Variants in PITPNM2 observed in about 807,000 individuals in gnomAD.
PITPNM2 encodes the protein phosphatidylinositol transfer protein membrane associated 2.
Under a neutral mutation model 132.2 loss-of-function variants are expected in PITPNM2, and 35 were observed. The observed-to-expected ratio is 0.26, with a 90% CI of 0.20 to 0.35. The LOEUF (loss-of-function observed/expected upper bound fraction) is 0.35. Among genes scored for constraint, PITPNM2 ranks in the 10% least tolerant of loss-of-function variants. The pLI is 1.00. For missense variants in PITPNM2, 1,332 were observed against 1,912.0 expected (o/e 0.70, Z 5.66); for synonymous variants, 738 against 799.2 (o/e 0.92, Z 1.29).
chr12:123,126,523 T>C (rs1386247732), intron 1 of PITPNM2, among the ~76,000 whole-genome samples: 3 of 152,046 alleles, frequency 2.0e-5, no homozygotes, highest in Admixed American at 6.5e-5. Context: ...CAAACCACTA[T>C]GGTTAAAATA....
chr12:123,103,842 G>A (rs2042624857), intron 2 of PITPNM2, among the ~76,000 whole-genome samples: 1 of 152,166 alleles, frequency 6.6e-6, no homozygotes, highest in African/African-American at 2.4e-5. Flanking sequence ...TTTTAAGCAA[G>A]AGGCACCCAA....
chr12:123,081,895 A>G (rs2041976879), intron 2 of PITPNM2: 1 of 152,302 alleles, frequency 6.6e-6, no homozygotes, highest in Non-Finnish European at 1.5e-5. Flanking sequence ...AAAGCTGGGA[A>G]AGGAGGGGTA....
chr12:123,088,269 A>T (rs2042167480), intron 2 of PITPNM2: 1 of 152,152 alleles, frequency 6.6e-6, no homozygotes, highest in Admixed American at 6.5e-5. Context: ...AATTTATTTA[A>T]GTTTCTACAA....
chr12:123,142,607 A>G (rs1431657938), intron 1 of PITPNM2, among the ~76,000 whole-genome samples: 1 of 152,212 alleles, frequency 6.6e-6, no homozygotes, highest in Non-Finnish European at 1.5e-5. Context: ...CAACCACAAT[A>G]AACGTTTGGC....
chr12:123,134,917 T>C (rs919443828), intron 1 of PITPNM2, among the ~76,000 whole-genome samples: 1 of 152,160 alleles, frequency 6.6e-6, no homozygotes, highest in Admixed American at 6.5e-5. Flanking sequence ...GGCTCTGATA[T>C]TCAGTAAGTT....
intron 3 of PITPNM2, among the ~76,000 whole-genome samples, chr12:123,033,462 T>C (rs1352889890): frequency 6.6e-6 from 1 of 152,116 alleles, no homozygotes; most frequent in Non-Finnish European, 1.5e-5. Context: ...AGGCACTGAG[T>C]AGGGAGACTG....
chr12:123,118,081 G>A (rs1212531335), intron 1 of PITPNM2, among the ~76,000 whole-genome samples: 1 of 152,258 alleles, frequency 6.6e-6, no homozygotes, highest in East Asian at 1.9e-4. Flanking sequence ...TAAGACAAGA[G>A]TGGGGATAAG....
chr12:123,092,692 T>C (rs927207920), intron 2 of PITPNM2: 1 of 152,244 alleles, frequency 6.6e-6, no homozygotes, highest in Non-Finnish European at 1.5e-5. Flanking sequence ...GCCTTTGCCA[T>C]GCCCTCTCCT....
At chr12:123,066,512 T>C (rs1025439939) in intron 2 of PITPNM2, among the ~76,000 whole-genome samples, 2 of 151,930 alleles carry the variant, frequency 1.3e-5, no homozygotes, top group Admixed American at 1.3e-4. Flanking sequence ...CCCACAGCTG[T>C]TGGGGGTGGG....
At chr12:123,115,240 T>C (rs2137381304) in intron 1 of PITPNM2, among the ~76,000 whole-genome samples, 1 of 152,244 alleles carries the variant, frequency 6.6e-6, no homozygotes, top group Non-Finnish European at 1.5e-5. Context: ...CTCCCTTCCA[T>C]CTTCTTCAAC....
At chr12:123,134,482 G>T (rs769637814) in intron 1 of PITPNM2, among the ~76,000 whole-genome samples, 1 of 152,124 alleles carries the variant, frequency 6.6e-6, no homozygotes, top group Non-Finnish European at 1.5e-5. Flanking sequence ...AATGGGCTTC[G>T]CATGAGTCAG....
In PITPNM2 at chr12:122,992,444, G is replaced by A. The variant is rs901875354; in HGVS notation, c.2404+55C>T. ...TAGCATGGAGGACCTAGGAGCCAGGGAGCCACGCTTACCCCACCTTCCCCC... is the reference window on the plus strand; with the variant it reads ...TAGCATGGAGGACCTAGGAGCCAGGAAGCCACGCTTACCCCACCTTCCCCC... On this transcript the variant is annotated intron_variant, in intron 16 of 25. Transcript: ENST00000320201. The surrounding 1 kb of genome is among the most constrained non-coding windows in gnomAD (Gnocchi z 6.5). The A allele has an allele frequency of 6.4e-7, 1 of 1,550,740 alleles. No individual in the cohort carries two copies. The highest frequency in any genetic ancestry group is 8.7e-7 in the Non-Finnish European group (1 of 1,148,002).
intron 3 of PITPNM2, among the ~76,000 whole-genome samples, chr12:123,033,707 T>C (rs2040172205): frequency 6.6e-6 from 1 of 152,128 alleles, no homozygotes; most frequent in Non-Finnish European, 1.5e-5. Context: ...TGTTATGGAC[T>C]GAATGTCTCT....
At position 123,009,177 on chromosome 12, in the gene PITPNM2, C is replaced by T. The variant is rs1158246422; in HGVS notation, c.643+673G>A. Among the ~76,000 whole-genome samples the T allele has an allele frequency of 2.0e-5, 3 of 152,252 alleles. No homozygotes were observed. Among genetic ancestry groups the T allele is most frequent in the African/African-American group, 4.8e-5 (2 of 41,524 alleles). ...CATCACAAGGTGTCTGGCTGGGGTG[C>T]CTTTTGGGTCATGGGCCTCAGGGAC... On this transcript the variant is annotated intron_variant, in intron 6 of 25. Transcript: ENST00000320201. The surrounding 1 kb of genome is among the most constrained non-coding windows in gnomAD (Gnocchi z 4.8).
Position 122,985,764 on chromosome 12 carries a change from G to A in PITPNM2, c.*263C>T, listed in dbSNP as rs1441992241. On this transcript the variant is annotated 3_prime_UTR_variant, in exon 26 of 26. Transcript: ENST00000320201. ...GGCAAAATGTCTGGGAGAACCTCCC[G>A]GGCCAGTCTGAGTGGGAGGTTCTGG... 13 of 388,180 alleles carry A rather than the reference G, an allele frequency of 3.3e-5. No individual in the cohort carries two copies. Among genetic ancestry groups the A allele is most frequent in the East Asian group, 3.2e-4 (8 of 24,846 alleles). 24.0% of individuals were successfully genotyped at this position (388,180 alleles called of 1,614,324 possible).
rs1295822734 is a variant in PITPNM2 at position 123,005,131 on chromosome 12, C to T, written c.952+109G>A. On this transcript the variant is annotated intron_variant, in intron 7 of 25. Coordinates refer to ENST00000320201, the MANE Select transcript of PITPNM2 (RefSeq NM_020845.3). This position sits in a 1 kb window ranked among gnomAD's most constrained non-coding sequence, Gnocchi z 6.2. Reference sequence around the variant, plus strand: ...CTGACTCCCTCTGGGCTTGGTGCCTCAATGTCCATGGGAAAGAACTCTGAG... The same window carrying T: ...CTGACTCCCTCTGGGCTTGGTGCCTTAATGTCCATGGGAAAGAACTCTGAG... The T allele has an allele frequency of 2.2e-6, 3 of 1,356,136 alleles. No individual in the cohort carries two copies. The highest frequency in any genetic ancestry group is 1.5e-5 in the African/African-American group (1 of 68,680). 84.0% of individuals were successfully genotyped at this position (1,356,136 alleles called of 1,614,324 possible).
intron 8 of PITPNM2, among the ~76,000 whole-genome samples, chr12:123,003,849 G>A (rs984348973): frequency 7.9e-5 from 12 of 152,226 alleles, no homozygotes; most frequent in Non-Finnish European, 1.5e-4. Flanking sequence ...AAGCAGGCGA[G>A]CGCTGTATGC....
chr12:122,986,810 A>G lies in PITPNM2; in HGVS notation c.3433T>C (p.Tyr1145His). The change falls in exon 24 of 26, where the codon TAC becomes CAC. Residue 1145 changes from tyrosine (Y) to histidine (H), a missense_variant. Tyr to His is a moderately conservative substitution (Grantham distance 83, BLOSUM62 2). Transcript: ENST00000320201. ...DVVRHWQDLGYLIIYVTGRPD... is the reference protein window; with the variant it reads ...DVVRHWQDLGHLIIYVTGRPD... ...CGGCCCGTCACGTAGATGATGAGGT[A>G]GCCCAGGTCCTGCCAGTGCCTGGGG... 1 of 1,612,236 alleles carries G rather than the reference A, an allele frequency of 6.2e-7. No individual in the cohort carries two copies. Among genetic ancestry groups the G allele is most frequent in the Non-Finnish European group, 8.5e-7 (1 of 1,179,350 alleles).
In PITPNM2 at chr12:122,993,677, G is replaced by A. The variant is rs996865758; in HGVS notation, c.2234-1008C>T. Among the ~76,000 whole-genome samples, 3 of 152,210 alleles carry A rather than the reference G, an allele frequency of 2.0e-5. No individual in the cohort carries two copies. The highest frequency in any genetic ancestry group is 4.8e-5 in the African/African-American group (2 of 41,438). ...GGGACCACAACGGTACTGTCCCTAA[G>A]TCTCCATGCACCTGTGTGGGACTCT... On this transcript the variant is annotated intron_variant, in intron 15 of 25. Coordinates refer to ENST00000320201, the MANE Select transcript of PITPNM2 (RefSeq NM_020845.3). This position sits in a 1 kb window ranked among gnomAD's most constrained non-coding sequence, Gnocchi z 5.2.
Sources: allele counts gnomAD v4.1 joint callset (sites outside exome capture counted in the v4.1 genomes callset), GRCh38; gene constraint gnomAD v4.1.1; non-coding constraint Gnocchi (gnomAD v3.1); transcripts MANE v1.5; gene names NCBI Gene and HGNC (gene_info 2026-07-23, HGNC 2026-07-21).